Variants in MRPL13 observed in about 807,000 individuals in gnomAD.
The protein encoded by MRPL13 is large ribosomal subunit protein uL13m.
A neutral mutation model predicts 29.0 loss-of-function variants in MRPL13; 33 were observed. That is an observed-to-expected ratio of 1.14 (90% CI 0.86 to 1.52). The LOEUF is 1.52. Among genes scored for constraint, MRPL13 ranks in the 40% most tolerant of loss-of-function variants. The pLI is 0.00. For missense variants in MRPL13, 227 were observed against 216.7 expected, an observed-to-expected ratio of 1.05 and a Z score of -0.30; for synonymous variants, 77 against 68.4, an observed-to-expected ratio of 1.13 and a Z score of -0.62.
At chr8:120,400,861 G>A (rs1457541078) in intron 6 of MRPL13, among the ~76,000 whole-genome samples, 2 of 151,860 alleles carry the variant, frequency 1.3e-5, no homozygotes, top group African/African-American at 2.4e-5. Flanking sequence ...ACCATGCAAG[G>A]ATACTATAAA....
chr8:120,404,621 C>A (rs1451102666), intron 6 of MRPL13, among the ~76,000 whole-genome samples: 1 of 152,196 alleles, frequency 6.6e-6, no homozygotes, highest in African/African-American at 2.4e-5. Context: ...ACTGGCTCTT[C>A]CTTGTAAATA....
chr8:120,419,797 A>T, intron 5 of MRPL13, 55 bp downstream of exon 5: 1 of 1,308,906 alleles, frequency 7.6e-7, no homozygotes, highest in Non-Finnish European at 1.0e-6. Context: ...AAAGAAAATG[A>T]AACATTTAAT....
chr8:120,426,280 T>C (rs1357207086), intron 3 of MRPL13, among the ~76,000 whole-genome samples: 1 of 152,112 alleles, frequency 6.6e-6, no homozygotes, highest in African/African-American at 2.4e-5. Flanking sequence ...TAAGATTACC[T>C]AAAGGTGATT....
Position 120,403,320 on chromosome 8 carries a change from T to C in MRPL13, c.516-7195A>G, listed in dbSNP as rs111640145. 7.2e-3 allele frequency among the ~76,000 whole-genome samples: 1,092 copies of C among 152,168 alleles called. 16 individuals carry two copies. Among genetic ancestry groups the C allele is most frequent in the African/African-American group, 0.025 (1,024 of 41,492 alleles). ...AATACTATGCAGCCATAAAAAGAAA[T>C]GAGATCACGTCCTTTGCAGGAACAT... On this transcript the variant is annotated intron_variant, in intron 6 of 6. Coordinates refer to ENST00000306185, the MANE Select transcript of MRPL13 (RefSeq NM_014078.6).
chr8:120,431,883 T>C lies in MRPL13; in HGVS notation c.245+147A>G, dbSNP rs1207787021. The stretch of plus-strand genomic sequence containing the variant: ...GGTATAGTTGTGTGGTTTTTAAAAA[T>C]TGAGTAAATTATATACATGGCATGA... On this transcript the variant is annotated intron_variant, in intron 3 of 6. Transcript: ENST00000306185. 7 of 521,998 alleles carry C rather than the reference T, an allele frequency of 1.3e-5. No individual in the cohort carries two copies. The Admixed American group carries it at 1.6e-4, about 12-fold the overall frequency. The allele number at this position is 521,998 out of a possible 1,614,324, so 32.3% of individuals were successfully genotyped here. A position where few individuals can be genotyped will look rare whatever the true frequency, so the allele number is the denominator to read the frequency against.
In MRPL13 at chr8:120,445,126, T is replaced by C. The variant is rs1813191787; in HGVS notation, c.-32A>G. The C allele has an allele frequency of 1.9e-6, 3 of 1,613,660 alleles. No individual in the cohort carries two copies. Among genetic ancestry groups the C allele is most frequent in the South Asian group, 1.1e-5 (1 of 91,070 alleles). ...CTACTAGCAGGACCGTACGTCCTTC[T>C]CCTAGTAGCCACGCCGGGTCACTCA... is the stretch of plus-strand genomic sequence containing the variant. On this transcript the variant is annotated 5_prime_UTR_variant, in exon 1 of 7. Transcript: ENST00000306185.
Position 120,410,349 on chromosome 8 carries a change from A to G in MRPL13, c.515+3642T>C, listed in dbSNP as rs760230231. ...GGAAAATTATATTCTTGGCTTAGCT[A>G]TGTTGGGTAGAACAAAAGCATATCT... On this transcript the variant is annotated intron_variant, in intron 6 of 6. Coordinates refer to ENST00000306185, the MANE Select transcript of MRPL13 (RefSeq NM_014078.6). Among the ~76,000 whole-genome samples the G allele has an allele frequency of 7.4e-4, 113 of 152,224 alleles. 1 individual carries two copies. The highest frequency in any genetic ancestry group is 8.7e-4 in the Non-Finnish European group (59 of 68,042).
intron 2 of MRPL13, among the ~76,000 whole-genome samples, chr8:120,440,152 T>G (rs1813101623): frequency 6.6e-6 from 1 of 152,152 alleles, no homozygotes; most frequent in Non-Finnish European, 1.5e-5. Flanking sequence ...TGAACACTAT[T>G]TTTTTTAAAG....
At chr8:120,428,572 A>C (rs941314583) in intron 3 of MRPL13, among the ~76,000 whole-genome samples, 1 of 152,200 alleles carries the variant, frequency 6.6e-6, no homozygotes, top group Non-Finnish European at 1.5e-5. Context: ...AATGGGAGAA[A>C]ATTTTTGCAA....
intron 5 of MRPL13, among the ~76,000 whole-genome samples, chr8:120,416,594 CAG>C (rs1249232367): frequency 6.6e-6 from 1 of 152,152 alleles, no homozygotes; most frequent in African/African-American, 2.4e-5. Flanking sequence ...CAAACAGAAA[CAG>C]GGGTCAAGTG....
chr8:120,436,190 G>A (rs1813052356), intron 2 of MRPL13, among the ~76,000 whole-genome samples: 1 of 152,022 alleles, frequency 6.6e-6, no homozygotes, highest in Admixed American at 6.6e-5. Context: ...CTGGGATAAT[G>A]TCCAAGAGAA....
At chr8:120,430,872 C>T (rs758406044) in intron 3 of MRPL13, among the ~76,000 whole-genome samples, 1 of 152,154 alleles carries the variant, frequency 6.6e-6, no homozygotes, top group Non-Finnish European at 1.5e-5. Flanking sequence ...CATATTATTG[C>T]TATAGTAATT....
At chr8:120,417,685 T>C (rs899719038) in intron 5 of MRPL13, among the ~76,000 whole-genome samples, 4 of 152,160 alleles carry the variant, frequency 2.6e-5, no homozygotes, top group African/African-American at 7.2e-5. Context: ...GTTCCCTTGA[T>C]ATTGCTCCAT....
intron 2 of MRPL13, among the ~76,000 whole-genome samples, chr8:120,441,345 T>C (rs1023759428): frequency 6.6e-6 from 1 of 152,112 alleles, no homozygotes; most frequent in Non-Finnish European, 1.5e-5. Context: ...GATTTTTAGA[T>C]ACATGAGACA....
At chr8:120,440,574 T>TA (rs1813107358) in intron 2 of MRPL13, among the ~76,000 whole-genome samples, 1 of 143,310 alleles carries the variant, frequency 7.0e-6, no homozygotes, top group Non-Finnish European at 1.5e-5. Flanking sequence ...CACTGCACTC[T>TA]AGCCTGGGCA....
intron 2 of MRPL13, 108 bp from the exon 3 acceptor site, chr8:120,432,231 A>C (rs1813005031): frequency 1.9e-5 from 14 of 749,548 alleles, no homozygotes; most frequent in Middle Eastern, 6.1e-4. Flanking sequence ...ATATTAAAAA[A>C]TAAAAAGCAA....
At chr8:120,425,044 G>C (rs564886720) in intron 4 of MRPL13, among the ~76,000 whole-genome samples, 1 of 151,922 alleles carries the variant, frequency 6.6e-6, no homozygotes, top group Non-Finnish European at 1.5e-5. Context: ...TCATATACTA[G>C]GTGATTATGC....
At chr8:120,437,585 C>G (rs1249177573) in intron 2 of MRPL13, among the ~76,000 whole-genome samples, 1 of 152,076 alleles carries the variant, frequency 6.6e-6, no homozygotes, top group African/African-American at 2.4e-5. Context: ...ATCAGAAACA[C>G]GTTCAAAAAG....
chr8:120,428,528 A>G (rs1051707959), intron 3 of MRPL13, among the ~76,000 whole-genome samples: 1 of 152,198 alleles, frequency 6.6e-6, no homozygotes, highest in Non-Finnish European at 1.5e-5. Context: ...TCTGCACAAC[A>G]AAAGAAACTA....
Sources: gnomAD v4.1 joint callset for allele counts (sites outside exome capture counted in the v4.1 genomes callset) on GRCh38, gnomAD v4.1.1 for gene constraint, MANE v1.5 for transcripts, NCBI Gene and HGNC (gene_info 2026-07-23, HGNC 2026-07-21) for gene names.